The following SLC44A5 variants were observed in gnomAD, a reference collection of about 807,000 sequenced individuals.
SLC44A5 encodes the protein solute carrier family 44 member 5, also known as choline transporter-like protein 5.
A neutral mutation model predicts 101.8 loss-of-function variants in SLC44A5; 57 were observed. That is an observed-to-expected ratio of 0.56 (90% CI 0.45 to 0.70). The LOEUF (loss-of-function observed/expected upper bound fraction) is 0.70. Among genes scored for constraint, SLC44A5 ranks in the 30% least tolerant of loss-of-function variants. SLC44A5 has a pLI of 0.00. For synonymous variants in SLC44A5, 281 were observed against 290.9 expected, an observed-to-expected ratio of 0.97 and a Z score of 0.35; for missense variants, 737 against 853.1, an observed-to-expected ratio of 0.86 and a Z score of 1.70.
chr1:75,214,567 T>C, intron 20 of SLC44A5, 38 bp downstream of exon 20: 1 of 1,538,458 alleles, frequency 6.5e-7, no homozygotes, highest in Non-Finnish European at 9.0e-7. Flanking sequence ...CAAGGTTCAC[T>C]ACATTGTTAA....
At chr1:75,698,657 G>A in the SLC44A5 span, among the ~76,000 whole-genome samples, 2 of 152,244 alleles carry the variant, frequency 1.3e-5, no homozygotes, top group Non-Finnish European at 2.9e-5. Flanking sequence ...GATGGAGAAT[G>A]ACTTGGACGA....
chr1:75,691,007 C>A, the SLC44A5 span, among the ~76,000 whole-genome samples: 3 of 151,486 alleles, frequency 2.0e-5, no homozygotes, highest in Non-Finnish European at 2.9e-5. Context: ...AAAAAAGAAA[C>A]CCATAAAGGT....
intron 4 of SLC44A5, among the ~76,000 whole-genome samples, chr1:75,338,739 G>A (rs146365344): frequency 3.9e-5 from 6 of 152,060 alleles, no homozygotes; most frequent in Non-Finnish European, 7.4e-5. Context: ...CTGAATATAC[G>A]TCTCTTTAAA....
chr1:75,316,433 A>G (rs533045235), intron 4 of SLC44A5, among the ~76,000 whole-genome samples: 7 of 152,340 alleles, frequency 4.6e-5, no homozygotes, highest in Middle Eastern at 3.4e-3. Flanking sequence ...ACCTCTGTGA[A>G]GCAATCATTT....
chr1:75,471,787 A>G (rs183263644), intron 2 of SLC44A5, among the ~76,000 whole-genome samples: 34 of 152,024 alleles, frequency 2.2e-4, no homozygotes, highest in African/African-American at 6.3e-4. Context: ...TATTCTACCT[A>G]TGCCTAGAGA....
chr1:75,268,864 C>T (rs1651224192), intron 6 of SLC44A5, among the ~76,000 whole-genome samples: 1 of 152,046 alleles, frequency 6.6e-6, no homozygotes, highest in African/African-American at 2.4e-5. Context: ...TTCATTTAAT[C>T]AATCTCCTAT....
intron 2 of SLC44A5, among the ~76,000 whole-genome samples, chr1:75,409,929 T>C (rs138169368): frequency 7.2e-5 from 11 of 152,214 alleles, no homozygotes; most frequent in African/African-American, 2.6e-4. Context: ...CATACATACA[T>C]ACATATATAC....
At chr1:75,213,892 T>TA in intron 21 of SLC44A5, 27 bp downstream of exon 21, 2 of 1,547,534 alleles carry the variant, frequency 1.3e-6, no homozygotes, top group African/African-American at 1.4e-5. Context: ...AACTTTTTTT[T>TA]TTATTATTTT....
intron 1 of SLC44A5, among the ~76,000 whole-genome samples, chr1:75,544,468 T>G (rs1450269202): frequency 6.6e-6 from 1 of 152,188 alleles, no homozygotes; most frequent in Non-Finnish European, 1.5e-5. Context: ...TTGTTACCAT[T>G]TTGCCACTTT....
At chr1:75,302,942 CATAA>C (rs1654611572) in intron 4 of SLC44A5, among the ~76,000 whole-genome samples, 1 of 152,146 alleles carries the variant, frequency 6.6e-6, no homozygotes, top group Non-Finnish European at 1.5e-5. Context: ...CAATTTAAGA[CATAA>C]ATTATTTATT....
At position 75,253,318 on chromosome 1, in the gene SLC44A5, T is replaced by A. The variant is rs74889673; in HGVS notation, c.261-2024A>T. Among the ~76,000 whole-genome samples the A allele has an allele frequency of 1.7e-3, 262 of 151,700 alleles. 5 individuals carry two copies. The East Asian group carries it at 0.046, about 27-fold the overall frequency. Reference sequence around the variant, plus strand: ...GGGATTGGAAGAAATGAAACTGAAATCTTAAATTGGACTACATTGAACTTT... The same window carrying A: ...GGGATTGGAAGAAATGAAACTGAAAACTTAAATTGGACTACATTGAACTTT... On this transcript the variant is annotated intron_variant, in intron 6 of 23. Coordinates refer to ENST00000370859, the MANE Select transcript of SLC44A5 (RefSeq NM_001130058.2).
chr1:75,593,389 A>C (rs180931725), intron 1 of SLC44A5, among the ~76,000 whole-genome samples: 272 of 152,234 alleles, frequency 1.8e-3, no homozygotes, highest in African/African-American at 6.3e-3. Context: ...TTTTGGTGGG[A>C]ATGTAAATTA....
chr1:75,480,658 T>C lies in SLC44A5; in HGVS notation c.13+60777A>G, dbSNP rs995791166. Among the ~76,000 whole-genome samples, 6 of 151,946 alleles carry C rather than the reference T, an allele frequency of 3.9e-5. No individual in the cohort carries two copies. The East Asian group carries it at 1.2e-3, about 29-fold the overall frequency. The stretch of plus-strand genomic sequence containing the variant: ...TGAGTGAACTCCCATTCGCAATTGC[T>C]TCAAAGAGAATAAAATACCTAGGAA... On this transcript the variant is annotated intron_variant, in intron 2 of 23. Transcript: ENST00000370859.
intron 4 of SLC44A5, among the ~76,000 whole-genome samples, chr1:75,317,530 TAAG>T (rs1455112418): frequency 1.3e-5 from 2 of 152,206 alleles, no homozygotes; most frequent in Non-Finnish European, 2.9e-5. Flanking sequence ...GACAGGTTCT[TAAG>T]AAAGATACAC....
At chr1:75,388,551 C>T (rs964631589) in intron 3 of SLC44A5, among the ~76,000 whole-genome samples, 7 of 152,094 alleles carry the variant, frequency 4.6e-5, no homozygotes, top group South Asian at 4.1e-4. Context: ...GAGGCCGAGG[C>T]GGGTGGATCA....
At chr1:75,528,208 A>G (rs937911339) in intron 2 of SLC44A5, among the ~76,000 whole-genome samples, 4 of 152,208 alleles carry the variant, frequency 2.6e-5, no homozygotes, top group African/African-American at 9.7e-5. Flanking sequence ...CACTAGAAAC[A>G]TAATTACTTC....
intron 2 of SLC44A5, among the ~76,000 whole-genome samples, chr1:75,472,314 A>G (rs992432848): frequency 1.3e-5 from 2 of 152,132 alleles, no homozygotes; most frequent in African/African-American, 4.8e-5. Context: ...TTTTGAGAAG[A>G]AAGCCAAGGT....
rs577645359 is a variant in SLC44A5, at chr1:75,425,730, C to T, written c.14-29109G>A. The stretch of plus-strand genomic sequence containing the variant: ...TATTTGGAGAGGTCAAGTTAGGTCC[C>T]CCTTGAACATGCCATGCTATGGGCC... On this transcript the variant is annotated intron_variant, in intron 2 of 23. Transcript: ENST00000370859. 2.6e-5 allele frequency among the ~76,000 whole-genome samples: 4 copies of T among 152,204 alleles called. No homozygotes were observed. In the South Asian group the frequency reaches 6.2e-4, roughly 24 times the overall value.
chr1:75,671,700 T>G, the SLC44A5 span, among the ~76,000 whole-genome samples: 2 of 152,298 alleles, frequency 1.3e-5, no homozygotes, highest in East Asian at 1.9e-4. Flanking sequence ...TTGATAGTGA[T>G]GAGTGCAGTA....
Sources: allele counts gnomAD v4.1 joint callset (sites outside exome capture counted in the v4.1 genomes callset), GRCh38; gene constraint gnomAD v4.1.1; transcripts MANE v1.5; gene names NCBI Gene and HGNC (gene_info 2026-07-23, HGNC 2026-07-21).